PDE10A: variants seen among roughly 807,000 people sequenced by gnomAD.
The protein encoded by PDE10A is phosphodiesterase 10A.
Under a neutral mutation model 97.7 loss-of-function variants are expected in PDE10A, and 39 were observed. The observed-to-expected ratio is 0.40, with a 90% confidence interval of 0.31 to 0.52. The LOEUF (loss-of-function observed/expected upper bound fraction) is 0.52. PDE10A is among the 20% of genes least tolerant of loss of function. The probability of loss-of-function intolerance (pLI) is 0.56; values close to 1 mark genes in which losing one functional copy is unlikely to be tolerated. For synonymous variants in PDE10A, 371 were observed against 376.8 expected, an observed-to-expected ratio of 0.98 and a Z score of 0.18; for missense variants, 731 against 1,047.8, an observed-to-expected ratio of 0.70 and a Z score of 4.17.
intron 1 of PDE10A, among the ~76,000 whole-genome samples, chr6:165,872,084 G>C (rs972531395): frequency 6.6e-6 from 1 of 152,064 alleles, no homozygotes; most frequent in African/African-American, 2.4e-5. Context: ...CCTTTGCAAG[G>C]TCTCAATTGA....
At chr6:165,476,786 T>C (rs13193070) in intron 3 of PDE10A, among the ~76,000 whole-genome samples, 1 of 152,100 alleles carries the variant, frequency 6.6e-6, no homozygotes, top group Admixed American at 6.5e-5. Flanking sequence ...ATCAGAATGG[T>C]CTCAGATTTC....
At position 165,604,518 on chromosome 6, in the gene PDE10A, T is replaced by TAAAAAA. The variant is rs34272357; in HGVS notation, c.865+57423_865+57428dup. 3.2e-4 allele frequency among the ~76,000 whole-genome samples: 44 copies of TAAAAAA among 137,784 alleles called. 2 individuals carry two copies. Among genetic ancestry groups the TAAAAAA allele is most frequent in the South Asian group, 2.8e-3 (12 of 4,328 alleles). 90.4% of individuals were successfully genotyped at this position (137,784 alleles called of 152,430 possible). On this transcript the variant is annotated intron_variant, in intron 1 of 21. Transcript: ENST00000539869. ...ACAAGACTGCACTTACTCTCTTTGT[T>TAAAAAA]AAAAAAAAAAAAAAAAAGTGTTACT... is the stretch of plus-strand genomic sequence containing the variant.
rs1256309274 is a variant in PDE10A at position 165,943,203 on chromosome 6, G to A, written c.-615+44326C>T. Among the ~76,000 whole-genome samples, 53 of 53,382 alleles carry A rather than the reference G, an allele frequency of 9.9e-4. 3 individuals are homozygous for A. Among genetic ancestry groups the A allele is most frequent in the African/African-American group, 4.6e-3 (48 of 10,516 alleles). The allele number at this position is 53,382 out of a possible 152,430, so 35.0% of individuals were successfully genotyped here. ...AGAAAGAAAGAAAGAAAGAAAGAAA[G>A]AAAGAAAGAAAGAAAGAAAGAAAGA... On this transcript the variant is annotated intron_variant, in intron 1 of 19. Coordinates refer to the PDE10A transcript ENST00000366882.
intron 1 of PDE10A, among the ~76,000 whole-genome samples, chr6:165,691,601 A>G (rs1791303196): frequency 6.7e-6 from 1 of 150,102 alleles, no homozygotes; most frequent in East Asian, 1.9e-4. Context: ...GCACACACAC[A>G]CACACACACA....
At chr6:165,498,043 A>G (rs1303143829) in intron 2 of PDE10A, among the ~76,000 whole-genome samples, 1 of 152,132 alleles carries the variant, frequency 6.6e-6, no homozygotes, top group African/African-American at 2.4e-5. Flanking sequence ...GTGACTCTTT[A>G]GAAACATTTT....
At chr6:165,784,111 G>C (rs560905998) in intron 1 of PDE10A, among the ~76,000 whole-genome samples, 1 of 151,782 alleles carries the variant, frequency 6.6e-6, no homozygotes, top group Non-Finnish European at 1.5e-5. Flanking sequence ...CCAGCTACTC[G>C]GGAGGCTGAG....
intron 1 of PDE10A, among the ~76,000 whole-genome samples, chr6:165,616,592 C>T (rs1210545791): frequency 6.6e-6 from 1 of 152,174 alleles, no homozygotes. Context: ...CATGTTAACG[C>T]TCTTGGCTTG....
At chr6:165,984,551 A>G (rs1003997252) in intron 1 of PDE10A, among the ~76,000 whole-genome samples, 1 of 152,258 alleles carries the variant, frequency 6.6e-6, no homozygotes, top group African/African-American at 2.4e-5. Context: ...GTACCTTTAC[A>G]GAGCGACCCG....
intron 1 of PDE10A, among the ~76,000 whole-genome samples, chr6:165,919,211 A>T (rs529492858): frequency 1.3e-5 from 2 of 152,140 alleles, no homozygotes; most frequent in African/African-American, 4.8e-5. Flanking sequence ...TTCTGTCACC[A>T]TTTCCCATTA....
intron 1 of PDE10A, among the ~76,000 whole-genome samples, chr6:165,554,887 T>TCATAC (rs1291603952): frequency 2.6e-5 from 4 of 152,128 alleles, no homozygotes; most frequent in African/African-American, 9.7e-5. Context: ...GAACTGGAGA[T>TCATAC]CATTATGTTA....
chr6:165,597,427 G>C (rs930551174), intron 1 of PDE10A, among the ~76,000 whole-genome samples: 3 of 152,164 alleles, frequency 2.0e-5, no homozygotes, highest in Non-Finnish European at 4.4e-5. Flanking sequence ...AGAAAAGTAA[G>C]CCAATGAGTC....
intron 1 of PDE10A, among the ~76,000 whole-genome samples, chr6:165,814,568 C>T (rs1477003861): frequency 1.3e-5 from 2 of 152,120 alleles, no homozygotes; most frequent in Non-Finnish European, 2.9e-5. Flanking sequence ...TTCTGATTCA[C>T]TAAATATCAA....
intron 1 of PDE10A, among the ~76,000 whole-genome samples, chr6:165,653,002 A>G (rs1029603306): frequency 1.3e-5 from 2 of 152,224 alleles, no homozygotes; most frequent in Non-Finnish European, 2.9e-5. Flanking sequence ...CTGTGTTCAC[A>G]GTAGCTCAGA....
intron 1 of PDE10A, among the ~76,000 whole-genome samples, chr6:165,845,150 A>G (rs894670441): frequency 1.3e-5 from 2 of 152,240 alleles, no homozygotes; most frequent in African/African-American, 4.8e-5. Context: ...TGCTGGAAAC[A>G]AAGCTCCTTT....
intron 1 of PDE10A, among the ~76,000 whole-genome samples, chr6:165,617,405 C>T (rs1325323495): frequency 1.3e-5 from 2 of 152,122 alleles, no homozygotes; most frequent in Admixed American, 6.5e-5. Context: ...AGTGCAGTGG[C>T]GGGATCTCGG....
intron 1 of PDE10A, among the ~76,000 whole-genome samples, chr6:165,644,617 T>C (rs1178431022): frequency 6.6e-6 from 1 of 152,238 alleles, no homozygotes; most frequent in East Asian, 1.9e-4. Flanking sequence ...GTCTTCTAAC[T>C]GGCACTCACA....
chr6:165,720,509 A>G (rs1792139627), intron 1 of PDE10A, among the ~76,000 whole-genome samples: 1 of 152,206 alleles, frequency 6.6e-6, no homozygotes, highest in South Asian at 2.1e-4. Context: ...CCTAAAGAAT[A>G]AAAAATCAGA....
chr6:165,807,353 T>C (rs564361062), intron 1 of PDE10A, among the ~76,000 whole-genome samples: 1 of 152,224 alleles, frequency 6.6e-6, no homozygotes, highest in South Asian at 2.1e-4. Flanking sequence ...TCACTTTTGT[T>C]TCCATGAAGC....
intron 13 of PDE10A, among the ~76,000 whole-genome samples, chr6:165,403,402 G>A (rs889685828): frequency 1.3e-5 from 2 of 152,144 alleles, no homozygotes; most frequent in South Asian, 4.1e-4. Context: ...TTGAGGGAAT[G>A]TACGCCAGAG....
Sources: allele counts gnomAD v4.1 joint callset (sites outside exome capture counted in the v4.1 genomes callset), GRCh38; gene constraint gnomAD v4.1.1; transcripts MANE v1.5; gene names NCBI Gene and HGNC (gene_info 2026-07-23, HGNC 2026-07-21).